The following XYLT2 variants were observed in gnomAD, a reference collection of about 807,000 sequenced individuals.
XYLT2 encodes the protein UDP-D-xylose:proteoglycan core protein beta-D-xylosyltransferase.
In XYLT2, 37 loss-of-function variants were observed where a neutral mutation model predicts 82.6. That is an observed-to-expected ratio of 0.45 (90% confidence interval 0.34 to 0.59). The LOEUF (loss-of-function observed/expected upper bound fraction) is 0.59, where lower values mean the gene tolerates loss of function less well. XYLT2 is among the 20% of genes least tolerant of loss of function. The pLI is 0.01. For synonymous variants in XYLT2, 474 were observed against 499.0 expected (o/e 0.95, Z 0.67); for missense variants, 934 against 1,181.3 (o/e 0.79, Z 3.07).
intron 1 of XYLT2, among the ~76,000 whole-genome samples, chr17:50,351,774 G>A (rs997273468): frequency 2.0e-5 from 3 of 152,204 alleles, no homozygotes; most frequent in Non-Finnish European, 2.9e-5. Context: ...GTGGCTTTGA[G>A]AGGTCTATCG....
intron 1 of XYLT2, among the ~76,000 whole-genome samples, chr17:50,352,424 T>C (rs1912311379): frequency 6.6e-6 from 1 of 152,230 alleles, no homozygotes. Context: ...GGAGCTGACA[T>C]GTCTCTCATC....
intron 1 of XYLT2, among the ~76,000 whole-genome samples, chr17:50,348,685 T>TG (rs1361269280): frequency 1.3e-5 from 2 of 151,918 alleles, no homozygotes; most frequent in East Asian, 1.9e-4. Context: ...AGGTGGGGTA[T>TG]GGGGGGAGCA....
rs1397685538 is a variant in XYLT2 at position 50,356,631 on chromosome 17, GC to G, written c.1605del (p.Tyr536ThrfsTer71). ...SYPPGTPALK[A>X]YWENTYDAAD... ...CCCCCCCGGCACGCCAGCCCTCAAG[GC>G]CTACTGGGAGAACACCTACGACGCG... On this transcript the variant is annotated frameshift_variant, in exon 8 of 11. Transcript: ENST00000017003. LOFTEE classifies it high-confidence loss of function. 6.2e-7 allele frequency: 1 copy of G among 1,614,122 alleles called. No homozygotes were observed. Among genetic ancestry groups the G allele is most frequent in the Non-Finnish European group, 8.5e-7 (1 of 1,180,024 alleles).
intron 1 of XYLT2, among the ~76,000 whole-genome samples, chr17:50,349,067 C>T (rs576186629): frequency 1.3e-5 from 2 of 152,320 alleles, no homozygotes; most frequent in Admixed American, 1.3e-4. Context: ...AGCCAGCTCC[C>T]ACTGCAGTGC....
chr17:50,350,438 G>A lies in XYLT2; in HGVS notation c.136-3192G>A, dbSNP rs62060142. Among the ~76,000 whole-genome samples, 7 of 108,566 alleles carry A rather than the reference G, an allele frequency of 6.4e-5. 1 individual carries two copies. Among genetic ancestry groups the A allele is most frequent in the Non-Finnish European group, 1.4e-4 (7 of 51,330 alleles). The allele number at this position is 108,566 out of a possible 152,430, so 71.2% of individuals were successfully genotyped here. ...AAAAATTAGCCAGGCATGGTGGTGC[G>A]AACCTGTAATCCCGGCTACGTGGGA... On this transcript the variant is annotated intron_variant, in intron 1 of 10. Transcript: ENST00000017003.
chr17:50,357,917 T>C (rs1567808277), intron 9 of XYLT2: 1 of 390,730 alleles, frequency 2.6e-6, no homozygotes, highest in Non-Finnish European at 4.6e-6. Flanking sequence ...TTTGGCTTCA[T>C]GTGGGAATGG....
chr17:50,353,123 ACTC>A (rs1020480601), intron 1 of XYLT2, among the ~76,000 whole-genome samples: 2 of 151,284 alleles, frequency 1.3e-5, no homozygotes, highest in African/African-American at 4.9e-5. Context: ...CCCCATGGGC[ACTC>A]CTCCTTCGCT....
At chr17:50,349,785 A>G (rs1429005627) in intron 1 of XYLT2, among the ~76,000 whole-genome samples, 1 of 152,118 alleles carries the variant, frequency 6.6e-6, no homozygotes, top group East Asian at 1.9e-4. Context: ...AGGAGCACAG[A>G]GAACCCAACC....
chr17:50,349,906 G>A (rs1220845426), intron 1 of XYLT2, among the ~76,000 whole-genome samples: 1 of 152,188 alleles, frequency 6.6e-6, no homozygotes, highest in Non-Finnish European at 1.5e-5. Context: ...CATTGGGCCA[G>A]GTATGGTGGC....
In XYLT2 at chr17:50,357,342, G is replaced by A. The variant is rs117193093; in HGVS notation, c.1941+90G>A. The A allele has an allele frequency of 3.3e-4, 438 of 1,346,158 alleles. No homozygotes were observed. The East Asian group carries it at 9.6e-3, about 30-fold the overall frequency. The allele number at this position is 1,346,158 out of a possible 1,614,324, so 83.4% of individuals were successfully genotyped here. On this transcript the variant is annotated intron_variant, in intron 9 of 10. Transcript: ENST00000017003. ...GGGACAGACACCAAGGGAGGGGTAA[G>A]GTTATTTTTCCCAGTCATGGCAGCC... is the stretch of plus-strand genomic sequence containing the variant.
chr17:50,355,462 T>C, intron 4 of XYLT2, 39 bp from the exon 5 acceptor site: 1 of 1,603,358 alleles, frequency 6.2e-7, no homozygotes, highest in African/African-American at 1.3e-5. Context: ...ACTGAGCAAC[T>C]ATCTCATGTG....
chr17:50,353,617 ATC>A lies in XYLT2; in HGVS notation c.136-7_136-6del, dbSNP rs1442376025. 1.9e-6 allele frequency: 3 copies of A among 1,556,872 alleles called. No homozygotes were observed. The highest frequency in any genetic ancestry group is 2.7e-5 in the African/African-American group (2 of 73,280). On this transcript the variant is annotated splice_polypyrimidine_tract_variant and intron_variant, in intron 1 of 10. Coordinates refer to ENST00000017003, the MANE Select transcript of XYLT2 (RefSeq NM_022167.4). ...GGGTCTGCCCCAGTGATGTGTCTGCATCTCTCTTACAGAAAGGAAGGCAGAGG... is the reference window on the plus strand; with the variant it reads ...GGGTCTGCCCCAGTGATGTGTCTGCATCTCTTACAGAAAGGAAGGCAGAGG...
chr17:50,360,103 A>G lies in XYLT2; in HGVS notation c.2410A>G (p.Thr804Ala). ...GGCTGCCCAGCGGCACACACAGCTC[A>G]CAGGCCCTGCGCTCGAGGCCTGGAC... ...EEAAQRHTQL[T>A]GPALEAWTDR... The change falls in exon 11 of 11, where the codon ACA (threonine) becomes GCA (alanine). Residue 804 changes from threonine to alanine, a missense_variant. Transcript: ENST00000017003. 6.2e-7 allele frequency: 1 copy of G among 1,613,806 alleles called. No individual in the cohort carries two copies. Among genetic ancestry groups the G allele is most frequent in the Non-Finnish European group, 8.5e-7 (1 of 1,179,878 alleles).
chr17:50,355,273 G>A (rs539214868), intron 4 of XYLT2, among the ~76,000 whole-genome samples: 1 of 152,268 alleles, frequency 6.6e-6, no homozygotes, highest in East Asian at 1.9e-4. Context: ...GGAGGAGGAG[G>A]AGCCAGAGGT....
chr17:50,360,571 CTTTTTTTTT>C lies in XYLT2; in HGVS notation c.*291_*299del, dbSNP rs386386236. On this transcript the variant is annotated 3_prime_UTR_variant, in exon 11 of 11. Transcript: ENST00000017003. ...TGTCTAGTTTGAATTTCTTTTTTTT[CTTTTTTTTT>C]TTTTTTTTTTAATTTAAAAAGGAAA... 25 of 979,878 alleles carry C rather than the reference CTTTTTTTTT, an allele frequency of 2.6e-5. No homozygotes were observed. Among genetic ancestry groups the C allele is most frequent in the Non-Finnish European group, 2.5e-5 (21 of 825,982 alleles). 60.7% of individuals were successfully genotyped at this position (979,878 alleles called of 1,614,324 possible).
intron 9 of XYLT2, chr17:50,357,826 C>T (rs950445727): frequency 1.0e-5 from 2 of 197,654 alleles, no homozygotes; most frequent in African/African-American, 2.3e-5. Flanking sequence ...GTGATCCACC[C>T]GCCTCGGCCT....
chr17:50,360,990 G>C lies in XYLT2; in HGVS notation c.*699G>C. On this transcript the variant is annotated 3_prime_UTR_variant, in exon 11 of 11. Transcript: ENST00000017003. ...GAAAGGCAGGGTCAGGGCCCACTGA[G>C]ACCCATGCAGAGTTTCCAGGTGTGC... 1.0e-6 allele frequency: 1 copy of C among 985,906 alleles called. No homozygotes were observed. The highest frequency in any genetic ancestry group is 5.2e-4 in the Middle Eastern group (1 of 1,914). 61.1% of individuals were successfully genotyped at this position (985,906 alleles called of 1,614,324 possible). A position where few individuals can be genotyped will look rare whatever the true frequency, so the allele number is the denominator to read the frequency against.
In XYLT2 at chr17:50,360,978, A is replaced by G; in HGVS notation, c.*687A>G. 1.0e-6 allele frequency: 1 copy of G among 985,918 alleles called. No homozygotes were observed. The allele number at this position is 985,918 out of a possible 1,614,324, so 61.1% of individuals were successfully genotyped here. A position where few individuals can be genotyped will look rare whatever the true frequency, so the allele number is the denominator to read the frequency against. On this transcript the variant is annotated 3_prime_UTR_variant, in exon 11 of 11. Coordinates refer to ENST00000017003, the MANE Select transcript of XYLT2 (RefSeq NM_022167.4). ...GCCCCTGGATGGGAAAGGCAGGGTC[A>G]GGGCCCACTGAGACCCATGCAGAGT...
Position 50,353,925 on chromosome 17 carries a change from C to G in XYLT2, c.431C>G (p.Thr144Arg). 1 of 1,608,366 alleles carries G rather than the reference C, an allele frequency of 6.2e-7. No homozygotes were observed. The highest frequency in any genetic ancestry group is 8.5e-7 in the Non-Finnish European group (1 of 1,179,830). ...GAAGFPPHGDTGSVEGAPQPT... is the reference protein window; with the variant it reads ...GAAGFPPHGDRGSVEGAPQPT... Reference sequence around the variant, plus strand: ...GCTGGCTTCCCACCACACGGAGATACAGGGAGCGTGGAGGGCGCCCCCCAG... The same window carrying G: ...GCTGGCTTCCCACCACACGGAGATAGAGGGAGCGTGGAGGGCGCCCCCCAG... Residue 144 changes from threonine to arginine, a missense_variant, in exon 2 of 11, where the codon ACA becomes AGA. Thr to Arg is a moderately conservative substitution (Grantham distance 71). Coordinates refer to ENST00000017003, the MANE Select transcript of XYLT2 (RefSeq NM_022167.4).
Sources: gnomAD v4.1 joint callset for allele counts (sites outside exome capture counted in the v4.1 genomes callset) on GRCh38, gnomAD v4.1.1 for gene constraint, MANE v1.5 for transcripts, NCBI Gene and HGNC (gene_info 2026-07-23, HGNC 2026-07-21) for gene names.